Variants in CABCOCO1 observed in about 807,000 individuals in gnomAD.
CABCOCO1 encodes the protein ciliary associated calcium binding coiled-coil 1.
Under a neutral mutation model 35.7 loss-of-function variants are expected in CABCOCO1, and 28 were observed. The observed-to-expected ratio is 0.78, with a 90% CI of 0.58 to 1.07. CABCOCO1 has a LOEUF of 1.07. Among genes scored for constraint, CABCOCO1 ranks in the 50% least tolerant of loss-of-function variants. CABCOCO1 has a pLI of 0.00. For missense variants in CABCOCO1, 326 were observed against 309.2 expected (o/e 1.05, Z -0.41); for synonymous variants, 95 against 100.1 (o/e 0.95, Z 0.30).
chr10:61,690,413 A>G, intron 4 of CABCOCO1, 136 bp from the exon 5 acceptor site: 1 of 547,680 alleles, frequency 1.8e-6, no homozygotes, highest in Non-Finnish European at 3.2e-6. Flanking sequence ...GGAATAAAGG[A>G]GGATGCTAAG....
intron 3 of CABCOCO1, among the ~76,000 whole-genome samples, chr10:61,684,359 T>C (rs1273321827): frequency 6.6e-6 from 1 of 152,218 alleles, no homozygotes; most frequent in Non-Finnish European, 1.5e-5. Flanking sequence ...GTTTATAGTG[T>C]CTTCCTAACA....
intron 1 of CABCOCO1, among the ~76,000 whole-genome samples, chr10:61,670,245 A>G (rs139265157): frequency 1.3e-5 from 2 of 152,270 alleles, no homozygotes; most frequent in Admixed American, 1.3e-4. Flanking sequence ...AATCATTTAA[A>G]CAAATATATA....
At chr10:61,713,938 G>A (rs535550705) in intron 5 of CABCOCO1, among the ~76,000 whole-genome samples, 40 of 152,190 alleles carry the variant, frequency 2.6e-4, no homozygotes, top group African/African-American at 9.1e-4. Context: ...ATTTTGCATC[G>A]ATGTTCATCA....
At chr10:61,676,627 T>C (rs1357537950) in intron 2 of CABCOCO1, among the ~76,000 whole-genome samples, 1 of 152,120 alleles carries the variant, frequency 6.6e-6, no homozygotes, top group Non-Finnish European at 1.5e-5. Context: ...AACAAAATGC[T>C]TTTAAAAACT....
At chr10:61,677,068 A>AATAAT (rs375409640) in intron 2 of CABCOCO1, among the ~76,000 whole-genome samples, 84 of 144,344 alleles carry the variant, frequency 5.8e-4, no homozygotes, top group African/African-American at 1.7e-3. Flanking sequence ...CTGTCTCAAA[A>AATAAT]AATAATAATA....
intron 5 of CABCOCO1, among the ~76,000 whole-genome samples, chr10:61,718,340 T>C (rs1840917777): frequency 6.6e-6 from 1 of 152,134 alleles, no homozygotes; most frequent in Non-Finnish European, 1.5e-5. Flanking sequence ...AGGGCTACAG[T>C]GTCATGACAA....
intron 2 of CABCOCO1, among the ~76,000 whole-genome samples, chr10:61,680,489 ATAT>A (rs1183067876): frequency 2.2e-5 from 3 of 138,110 alleles, no homozygotes; most frequent in Admixed American, 7.6e-5. Flanking sequence ...TATATATAAC[ATAT>A]TATATGTTAT....
intron 7 of CABCOCO1, among the ~76,000 whole-genome samples, chr10:61,763,109 C>T (rs1433495272): frequency 1.3e-5 from 2 of 151,860 alleles, no homozygotes; most frequent in Non-Finnish European, 2.9e-5. Flanking sequence ...AATCACTACT[C>T]GTAAGATGTT....
chr10:61,686,237 ATGTC>A (rs1385141623), intron 4 of CABCOCO1, 52 bp downstream of exon 4: 3 of 1,428,532 alleles, frequency 2.1e-6, no homozygotes, highest in Non-Finnish European at 1.9e-6. Flanking sequence ...CTTCTGGAAA[ATGTC>A]TGTTAAGTAA....
intron 1 of CABCOCO1, among the ~76,000 whole-genome samples, chr10:61,667,327 A>T (rs992830121): frequency 1.3e-5 from 2 of 150,960 alleles, no homozygotes; most frequent in Non-Finnish European, 3.0e-5. Context: ...TAGTTTGTCC[A>T]TTACTGTGTC....
At chr10:61,677,261 C>T (rs1839542770) in intron 2 of CABCOCO1, among the ~76,000 whole-genome samples, 1 of 152,026 alleles carries the variant, frequency 6.6e-6, no homozygotes, top group Non-Finnish European at 1.5e-5. Flanking sequence ...TATAACCCAG[C>T]AGTCCCAATT....
At chr10:61,758,035 A>C (rs1430719350) in intron 5 of CABCOCO1, among the ~76,000 whole-genome samples, 1 of 152,088 alleles carries the variant, frequency 6.6e-6, no homozygotes, top group Non-Finnish European at 1.5e-5. Context: ...AGTAGACCAG[A>C]AAAAATTCTA....
intron 5 of CABCOCO1, among the ~76,000 whole-genome samples, chr10:61,731,843 T>G (rs1293723139): frequency 6.6e-6 from 1 of 151,806 alleles, no homozygotes; most frequent in Non-Finnish European, 1.5e-5. Context: ...TACCTCAAAG[T>G]CATATAAAAT....
At chr10:61,754,667 T>C (rs1276304193) in intron 5 of CABCOCO1, among the ~76,000 whole-genome samples, 1 of 151,938 alleles carries the variant, frequency 6.6e-6, no homozygotes. Flanking sequence ...TTAACTGGAG[T>C]GTCCTAGCCA....
chr10:61,725,223 C>T (rs1841117093), intron 5 of CABCOCO1, among the ~76,000 whole-genome samples: 1 of 152,060 alleles, frequency 6.6e-6, no homozygotes, highest in African/African-American at 2.4e-5. Context: ...GATCTAGAAC[C>T]AGAAATACCA....
intron 5 of CABCOCO1, among the ~76,000 whole-genome samples, chr10:61,696,735 G>T (rs1840306433): frequency 6.6e-6 from 1 of 151,866 alleles, no homozygotes; most frequent in Admixed American, 6.6e-5. Flanking sequence ...TGAAGTCCTG[G>T]CCTCAAGTGA....
At chr10:61,733,157 C>T (rs1277110824) in intron 5 of CABCOCO1, among the ~76,000 whole-genome samples, 1 of 151,880 alleles carries the variant, frequency 6.6e-6, no homozygotes, top group Non-Finnish European at 1.5e-5. Context: ...GTAATACATG[C>T]GTTTATCTGT....
At chr10:61,669,271 T>A (rs1460431499) in intron 1 of CABCOCO1, among the ~76,000 whole-genome samples, 3 of 151,944 alleles carry the variant, frequency 2.0e-5, no homozygotes, top group South Asian at 4.2e-4. Flanking sequence ...GGGAAAAAAA[T>A]TAGAGAAAAA....
At chr10:61,713,500 A>C (rs1035991445) in intron 5 of CABCOCO1, among the ~76,000 whole-genome samples, 4 of 152,044 alleles carry the variant, frequency 2.6e-5, no homozygotes, top group Non-Finnish European at 5.9e-5. Flanking sequence ...AATACGCTTT[A>C]TTTCTTTCTC....
Sources: gnomAD v4.1 joint callset for allele counts (sites outside exome capture counted in the v4.1 genomes callset) on GRCh38, gnomAD v4.1.1 for gene constraint, MANE v1.5 for transcripts, NCBI Gene and HGNC (gene_info 2026-07-23, HGNC 2026-07-21) for gene names.